TBX5: variants seen among roughly 807,000 people sequenced by gnomAD.
TBX5 encodes the protein T-box transcription factor TBX5.
Under a neutral mutation model 51.1 loss-of-function variants are expected in TBX5, and 8 were observed. That is an observed-to-expected ratio of 0.16 (90% CI 0.09 to 0.28). TBX5 has a LOEUF of 0.28. TBX5 is among the 10% of genes least tolerant of loss of function. The pLI is 1.00. For synonymous variants in TBX5, 302 were observed against 266.4 expected (o/e 1.13, Z -1.30); for missense variants, 589 against 671.7 (o/e 0.88, Z 1.36).
chr12:114,369,971 TG>T (rs1334546539), intron 7 of TBX5, among the ~76,000 whole-genome samples: 1 of 152,084 alleles, frequency 6.6e-6, no homozygotes, highest in African/African-American at 2.4e-5. Flanking sequence ...AAAATGCAGA[TG>T]GGCCAGGCAC....
At chr12:114,361,893 G>A (rs878882368) in intron 8 of TBX5, among the ~76,000 whole-genome samples, 7 of 152,120 alleles carry the variant, frequency 4.6e-5, no homozygotes, top group Admixed American at 4.6e-4. Flanking sequence ...GGGGGTGGAG[G>A]GAGGTGAGAA....
intron 5 of TBX5, among the ~76,000 whole-genome samples, chr12:114,396,706 G>A (rs552067649): frequency 1.4e-4 from 22 of 152,276 alleles, no homozygotes; most frequent in Middle Eastern, 3.4e-3. Flanking sequence ...CCCCACCCAA[G>A]GGTCCCATCC....
intron 5 of TBX5, among the ~76,000 whole-genome samples, chr12:114,396,355 C>A (rs1028543221): frequency 6.6e-6 from 1 of 152,086 alleles, no homozygotes; most frequent in Non-Finnish European, 1.5e-5. Flanking sequence ...CCCGGCTTAG[C>A]CAAATTGCTT....
intron 7 of TBX5, among the ~76,000 whole-genome samples, chr12:114,370,757 A>T (rs1869857201): frequency 6.6e-6 from 1 of 150,786 alleles, no homozygotes; most frequent in Non-Finnish European, 1.5e-5. Flanking sequence ...TTTTCCTATC[A>T]GTTATCATGT....
chr12:114,393,434 G>A (rs1470264790), intron 6 of TBX5, among the ~76,000 whole-genome samples: 1 of 152,120 alleles, frequency 6.6e-6, no homozygotes, highest in Admixed American at 6.5e-5. Flanking sequence ...CCCTCCCCCA[G>A]CACCTATTGC....
At chr12:114,408,341 A>AG (rs1174577623), upstream of TBX5, 3 of 451,470 alleles carry the variant, frequency 6.6e-6, no homozygotes, top group Non-Finnish European at 8.8e-6. Context: ...GAAGGGGGAG[A>AG]GGAGGGAACT....
chr12:114,401,733 T>C, intron 3 of TBX5, 93 bp downstream of exon 3: 1 of 1,174,954 alleles, frequency 8.5e-7, no homozygotes, highest in Non-Finnish European at 1.3e-6. Context: ...CTTTTGCCCC[T>C]TTCCTTCCTT....
intron 7 of TBX5, among the ~76,000 whole-genome samples, chr12:114,370,312 G>A (rs28593026): frequency 0.052 from 6,149 of 117,640 alleles, 328 homozygotes; most frequent in Middle Eastern, 0.12. Context: ...GAAAAGAAAA[G>A]AAAGAAAAGA....
intron 8 of TBX5, among the ~76,000 whole-genome samples, chr12:114,357,001 TGG>T (rs1868957069): frequency 1.3e-5 from 2 of 151,168 alleles, no homozygotes; most frequent in African/African-American, 4.9e-5. Flanking sequence ...GATGGATGGA[TGG>T]ATGGATGGAT....
chr12:114,354,291 ATGTTAT>A lies in TBX5; in HGVS notation c.*1235_*1240del, dbSNP rs1271756728. 1 of 152,320 alleles carries A rather than the reference ATGTTAT, an allele frequency of 6.6e-6. No individual in the cohort carries two copies. The highest frequency in any genetic ancestry group is 1.5e-5 in the Non-Finnish European group (1 of 68,050). The allele number at this position is 152,320 out of a possible 1,614,324, so 9.4% of individuals were successfully genotyped here. ...CAGCTCCTATGCTGGGTTTCATTTC[ATGTTAT>A]TACTTAATTAGAATTCCTATTTATA... On this transcript the variant is annotated 3_prime_UTR_variant, in exon 9 of 9. Coordinates refer to ENST00000405440, the MANE Select transcript of TBX5 (RefSeq NM_181486.4).
chr12:114,356,205 G>A, intron 8 of TBX5, 99 bp from the exon 9 acceptor site: 1 of 1,180,130 alleles, frequency 8.5e-7, no homozygotes, highest in Non-Finnish European at 1.2e-6. Flanking sequence ...AATAAGTCCT[G>A]AGAGACTGTT....
At position 114,355,503 on chromosome 12, in the gene TBX5, G is replaced by A. The variant is rs201997498; in HGVS notation, c.*29C>T. On this transcript the variant is annotated 3_prime_UTR_variant, in exon 9 of 9. Coordinates refer to ENST00000405440, the MANE Select transcript of TBX5 (RefSeq NM_181486.4). ...CTCCTCTCTCTCTCTCTTTCTCTAGGAAATGTCTGTTGTGAAGCAGGCCTC... is the reference window on the plus strand; with the variant it reads ...CTCCTCTCTCTCTCTCTTTCTCTAGAAAATGTCTGTTGTGAAGCAGGCCTC... 8.7e-6 allele frequency: 14 copies of A among 1,611,612 alleles called. No homozygotes were observed. The East Asian group carries it at 2.9e-4, about 33-fold the overall frequency.
chr12:114,356,557 C>A (rs910989433), intron 8 of TBX5, among the ~76,000 whole-genome samples: 8 of 152,046 alleles, frequency 5.3e-5, no homozygotes, highest in Admixed American at 4.6e-4. Flanking sequence ...TAGTGAGACC[C>A]CCCATCTCAA....
upstream of TBX5, chr12:114,406,147 A>G (rs1593889535): frequency 1.2e-5 from 6 of 507,672 alleles, no homozygotes; most frequent in African/African-American, 8.4e-5. Context: ...AAAGTACTGA[A>G]ATCGCCTATC....
rs911784144 is a variant in TBX5, at chr12:114,394,768, T to C, written c.636A>G (p.Ile212Met). ...CTHVFPETAF[I>M]AVTSYQNHKI... ...TGTGGTTCTGGTAGGAAGTCACTGC[T>C]ATAAACGCAGTCTCAGGAAAGACGT... Residue 212 changes from isoleucine (I) to methionine (M), a missense_variant, in exon 6 of 9, where the codon ATA becomes ATG. Physicochemically the swap from Ile to Met is conservative, Grantham distance 10. Transcript: ENST00000405440. 1 of 1,614,078 alleles carries C rather than the reference T, an allele frequency of 6.2e-7. No homozygotes were observed. The highest frequency in any genetic ancestry group is 1.3e-5 in the African/African-American group (1 of 74,930).
chr12:114,394,952 TA>T, intron 5 of TBX5, 59 bp from the exon 6 acceptor site: 1 of 1,564,604 alleles, frequency 6.4e-7, no homozygotes, highest in Non-Finnish European at 8.8e-7. Context: ...TGTCTCCAGA[TA>T]AAACCCTGCT....
intron 8 of TBX5, among the ~76,000 whole-genome samples, chr12:114,361,012 G>A (rs190147280): frequency 3.9e-5 from 6 of 152,182 alleles, no homozygotes; most frequent in African/African-American, 9.6e-5. Flanking sequence ...TCTTGAGAGC[G>A]GGAGCCTTTT....
chr12:114,402,248 G>A (rs1447696691), intron 2 of TBX5, among the ~76,000 whole-genome samples: 3 of 152,042 alleles, frequency 2.0e-5, no homozygotes, highest in Admixed American at 6.5e-5. Flanking sequence ...GAGGAGGACC[G>A]GAATAAGAAA....
chr12:114,366,107 C>T (rs1420598262), intron 8 of TBX5, 58 bp downstream of exon 8: 5 of 1,575,588 alleles, frequency 3.2e-6, no homozygotes, highest in South Asian at 1.1e-5. Flanking sequence ...TCACCCCCAA[C>T]CCAAGGAAAG....
Sources: allele counts gnomAD v4.1 joint callset (sites outside exome capture counted in the v4.1 genomes callset), GRCh38; gene constraint gnomAD v4.1.1; transcripts MANE v1.5; gene names NCBI Gene and HGNC (gene_info 2026-07-23, HGNC 2026-07-21).